Variants in PRKG1 observed in about 807,000 individuals in gnomAD.
PRKG1 encodes cGMP-dependent protein kinase 1.
PRKG1 carries 35 observed loss-of-function variants against 88.1 expected under a neutral mutation model. The ratio of observed to expected loss-of-function variants is 0.40; its 90% CI spans 0.30 to 0.53. PRKG1 has a LOEUF of 0.53. Among genes scored for constraint, PRKG1 ranks in the 20% least tolerant of loss-of-function variants. The pLI is 0.59. For synonymous variants in PRKG1, 303 were observed against 292.5 expected (o/e 1.04, Z -0.37); for missense variants, 540 against 839.8 (o/e 0.64, Z 4.41).
intron 3 of PRKG1, among the ~76,000 whole-genome samples, chr10:51,704,414 G>A (rs182987165): frequency 1.3e-3 from 194 of 152,218 alleles, no homozygotes; most frequent in Non-Finnish European, 2.3e-3. Flanking sequence ...TACCAAGGAC[G>A]GAGCCTGTGG....
intron 5 of PRKG1, among the ~76,000 whole-genome samples, chr10:51,965,261 T>G (rs1025067423): frequency 2.0e-5 from 3 of 152,140 alleles, no homozygotes; most frequent in African/African-American, 7.2e-5. Context: ...ATGCCCCAGT[T>G]GTGTGTAGTT....
chr10:51,296,435 T>A (rs941870234), intron 2 of PRKG1, among the ~76,000 whole-genome samples: 1 of 152,122 alleles, frequency 6.6e-6, no homozygotes, highest in Admixed American at 6.5e-5. Context: ...GAAATTTATT[T>A]ATTTCCTTTA....
intron 3 of PRKG1, among the ~76,000 whole-genome samples, chr10:51,530,674 T>C (rs1841995424): frequency 1.3e-5 from 2 of 152,192 alleles, no homozygotes; most frequent in Admixed American, 6.5e-5. Flanking sequence ...CTGGGTCCCA[T>C]GTGCCTTAAT....
At chr10:51,221,151 C>A (rs2132090707) in intron 2 of PRKG1, among the ~76,000 whole-genome samples, 1 of 151,912 alleles carries the variant, frequency 6.6e-6, no homozygotes, top group African/African-American at 2.4e-5. Flanking sequence ...ATATAGTTTT[C>A]TTTTAATTTT....
chr10:51,723,081 A>C (rs1414504985), intron 3 of PRKG1, among the ~76,000 whole-genome samples: 2 of 152,188 alleles, frequency 1.3e-5, no homozygotes, highest in Non-Finnish European at 2.9e-5. Flanking sequence ...TAACCTGTTT[A>C]AACTGAATTT....
At chr10:51,186,532 G>A (rs1435288315) in intron 2 of PRKG1, among the ~76,000 whole-genome samples, 1 of 151,888 alleles carries the variant, frequency 6.6e-6, no homozygotes, top group Non-Finnish European at 1.5e-5. Flanking sequence ...TCTGCTTTGG[G>A]CAAACAGTGT....
intron 4 of PRKG1, among the ~76,000 whole-genome samples, chr10:51,889,960 C>T (rs1841675915): frequency 6.6e-6 from 1 of 151,918 alleles, no homozygotes; most frequent in African/African-American, 2.4e-5. Context: ...GGATATTAGC[C>T]CTTTGTCAGA....
rs188025777 is a variant in PRKG1, at chr10:51,281,024, C to T, written c.478+127694C>T. On this transcript the variant is annotated intron_variant, in intron 2 of 17. Transcript: ENST00000373980. ...TACTTTTGCTCTTTGATGATTGTGA[C>T]GTACAGATGGGGTTTTGGTGTGGAT... 7.9e-4 allele frequency among the ~76,000 whole-genome samples: 121 copies of T among 152,256 alleles called. 2 individuals are homozygous for T. The highest frequency in any genetic ancestry group is 1.0e-3 in the Admixed American group (16 of 15,296).
intron 2 of PRKG1, among the ~76,000 whole-genome samples, chr10:51,353,936 T>G (rs990328961): frequency 7.9e-5 from 12 of 152,164 alleles, no homozygotes; most frequent in Non-Finnish European, 1.3e-4. Flanking sequence ...CTATATCTAA[T>G]GGATATAAAT....
chr10:51,647,025 T>TG (rs1839930706), intron 3 of PRKG1, among the ~76,000 whole-genome samples: 1 of 151,984 alleles, frequency 6.6e-6, no homozygotes, highest in African/African-American at 2.4e-5. Flanking sequence ...CATTAGTTAT[T>TG]GGCATTAAAA....
chr10:51,351,515 G>T (rs910205510), intron 2 of PRKG1, among the ~76,000 whole-genome samples: 3 of 151,232 alleles, frequency 2.0e-5, no homozygotes, highest in Non-Finnish European at 4.4e-5. Context: ...GTGATGATGA[G>T]TTTTTTTTTC....
intron 4 of PRKG1, among the ~76,000 whole-genome samples, chr10:51,866,363 T>C (rs980731067): frequency 2.0e-5 from 3 of 152,084 alleles, no homozygotes; most frequent in African/African-American, 7.2e-5. Context: ...ATCTGTAATT[T>C]AAAGAGGCAT....
chr10:51,955,377 G>T (rs911307226), intron 5 of PRKG1, among the ~76,000 whole-genome samples: 2 of 151,846 alleles, frequency 1.3e-5, no homozygotes, highest in African/African-American at 4.8e-5. Flanking sequence ...TTCATAGGTT[G>T]GTACACCATA....
chr10:51,283,471 A>G (rs1243340263), intron 2 of PRKG1, among the ~76,000 whole-genome samples: 1 of 152,150 alleles, frequency 6.6e-6, no homozygotes, highest in Non-Finnish European at 1.5e-5. Context: ...CATGTGTCCT[A>G]GAGCTATTGG....
At chr10:51,203,843 C>T (rs1232724278) in intron 2 of PRKG1, among the ~76,000 whole-genome samples, 1 of 152,112 alleles carries the variant, frequency 6.6e-6, no homozygotes, top group Admixed American at 6.6e-5. Flanking sequence ...GGGACAAAAC[C>T]TTTCTTTTTC....
In PRKG1 at chr10:51,266,976, G is replaced by A. The variant is rs181703773; in HGVS notation, c.478+113646G>A. ...AAAGTAAAACATTCCTTTCTTAGGA[G>A]CGACATTTAAATGAGCTAAAAACTG... On this transcript the variant is annotated intron_variant, in intron 2 of 17. Transcript: ENST00000373980. 2.4e-3 allele frequency among the ~76,000 whole-genome samples: 369 copies of A among 152,252 alleles called. 2 individuals carry two copies. Among genetic ancestry groups the A allele is most frequent in the African/African-American group, 8.7e-3 (361 of 41,540 alleles).
intron 3 of PRKG1, among the ~76,000 whole-genome samples, chr10:51,777,123 A>T (rs1838460031): frequency 6.6e-6 from 1 of 152,162 alleles, no homozygotes; most frequent in African/African-American, 2.4e-5. Context: ...CCATGGACTG[A>T]TAAAATAGTA....
At chr10:51,971,116 G>A (rs1341459577) in intron 5 of PRKG1, among the ~76,000 whole-genome samples, 3 of 151,908 alleles carry the variant, frequency 2.0e-5, no homozygotes, top group South Asian at 2.1e-4. Flanking sequence ...AACAAGCAAC[G>A]TGAATGAATC....
intron 2 of PRKG1, among the ~76,000 whole-genome samples, chr10:51,424,813 G>A (rs1025896703): frequency 6.6e-6 from 1 of 152,038 alleles, no homozygotes; most frequent in Admixed American, 6.6e-5. Flanking sequence ...GATCCTTCTG[G>A]TGAAGTCAAG....
Sources: allele counts gnomAD v4.1 joint callset (sites outside exome capture counted in the v4.1 genomes callset), GRCh38; gene constraint gnomAD v4.1.1; transcripts MANE v1.5; gene names NCBI Gene and HGNC (gene_info 2026-07-23, HGNC 2026-07-21).